The following TEKT5 variants were observed in gnomAD, a reference collection of about 807,000 sequenced individuals.
TEKT5 encodes tektin-5.
In TEKT5, 52 loss-of-function variants were observed where a neutral mutation model predicts 48.7. The ratio of observed to expected loss-of-function variants is 1.07; its 90% CI spans 0.86 to 1.35. The LOEUF is 1.35. TEKT5 is among the 40% of genes most tolerant of loss of function. TEKT5 has a pLI of 0.00. For synonymous variants in TEKT5, 318 were observed against 267.6 expected (o/e 1.19, Z -1.84); for missense variants, 831 against 641.6 (o/e 1.30, Z -3.19).
intron 5 of TEKT5, among the ~76,000 whole-genome samples, chr16:10,675,384 G>C (rs532242374): frequency 6.6e-6 from 1 of 152,114 alleles, no homozygotes; most frequent in Admixed American, 6.5e-5. Flanking sequence ...AGGACTCCAA[G>C]AGCCAACCCA....
chr16:10,637,043 G>A (rs192750914), intron 5 of TEKT5, among the ~76,000 whole-genome samples: 2 of 149,620 alleles, frequency 1.3e-5, no homozygotes, highest in Non-Finnish European at 3.0e-5. Flanking sequence ...GTGCAGTGGT[G>A]CGATTTCGGC....
At chr16:10,656,202 C>T (rs1047211486) in intron 5 of TEKT5, among the ~76,000 whole-genome samples, 3 of 152,144 alleles carry the variant, frequency 2.0e-5, no homozygotes, top group African/African-American at 7.2e-5. Flanking sequence ...TGCCAACTAC[C>T]CCCTAGAGGA....
chr16:10,674,108 C>G lies in TEKT5; in HGVS notation c.1086+1851G>C, dbSNP rs13380584. On this transcript the variant is annotated intron_variant, in intron 5 of 6. Transcript: ENST00000283025. The stretch of plus-strand genomic sequence containing the variant: ...AATCCAAACCCTTCACCAGGCCTAC[C>G]CAGACCCACCTGCCCCTTCCTCCAG... Among the ~76,000 whole-genome samples, 749 of 152,230 alleles carry G rather than the reference C, an allele frequency of 4.9e-3. 9 individuals are homozygous for G. The highest frequency in any genetic ancestry group is 0.016 in the African/African-American group (684 of 41,528).
At position 10,677,303 on chromosome 16, in the gene TEKT5, G is replaced by A. The variant is rs2541501; in HGVS notation, c.864-1122C>T. On this transcript the variant is annotated intron_variant, in intron 4 of 6. Coordinates refer to ENST00000283025, the MANE Select transcript of TEKT5 (RefSeq NM_144674.2). ...GAATACTCGGAAGGGTGTTGAGATC[G>A]TCTGGGATTAGAAAATGTATGAAGT... is the stretch of plus-strand genomic sequence containing the variant. Among the ~76,000 whole-genome samples, 292 of 113,772 alleles carry A rather than the reference G, an allele frequency of 2.6e-3. 45 individuals are homozygous for A. The highest frequency in any genetic ancestry group is 0.014 in the African/African-American group (268 of 19,584). 74.6% of individuals were successfully genotyped at this position (113,772 alleles called of 152,430 possible). A position where few individuals can be genotyped will look rare whatever the true frequency, so the allele number is the denominator to read the frequency against.
At chr16:10,653,023 T>C (rs1340325685) in intron 5 of TEKT5, among the ~76,000 whole-genome samples, 1 of 152,044 alleles carries the variant, frequency 6.6e-6, no homozygotes, top group African/African-American at 2.4e-5. Context: ...TCCCCCAAGC[T>C]CTGAGGGGCT....
intron 6 of TEKT5, among the ~76,000 whole-genome samples, chr16:10,634,721 T>C (rs935400113): frequency 2.0e-5 from 3 of 152,182 alleles, no homozygotes; most frequent in African/African-American, 7.2e-5. Context: ...CTGGTTTGCA[T>C]GCTTTGTTGA....
At chr16:10,658,034 A>G (rs1898292669) in intron 5 of TEKT5, among the ~76,000 whole-genome samples, 1 of 152,204 alleles carries the variant, frequency 6.6e-6, no homozygotes, top group African/African-American at 2.4e-5. Flanking sequence ...GAACACTTTC[A>G]TTACTCACCC....
Position 10,682,079 on chromosome 16 carries a change from G to C in TEKT5, c.777C>G (p.Ala259=), listed in dbSNP as rs747892647. The C allele has an allele frequency of 6.2e-7, 1 of 1,614,138 alleles. No individual in the cohort carries two copies. The highest frequency in any genetic ancestry group is 8.5e-7 in the Non-Finnish European group (1 of 1,180,020). Residue 259 remains alanine (A), a synonymous_variant, in exon 4 of 7, where the codon GCC becomes GCG. Transcript: ENST00000283025. Reference sequence around the variant, plus strand: ...TAAAGCACTTCTCATCGATACACTGGGCCGAGCTTTTGTCTTCGAGGTCCC... The same window carrying C: ...TAAAGCACTTCTCATCGATACACTGCGCCGAGCTTTTGTCTTCGAGGTCCC... ...LERDLEDKSS[A]QCIDEKCFNL...
intron 5 of TEKT5, among the ~76,000 whole-genome samples, chr16:10,651,291 A>G (rs906447409): frequency 6.6e-6 from 1 of 152,186 alleles, no homozygotes; most frequent in African/African-American, 2.4e-5. Flanking sequence ...TTTAAACTGC[A>G]GCCCTAACCA....
At chr16:10,637,468 GAGGAAGGGAGGGAGAA>G (rs1897932601) in intron 5 of TEKT5, among the ~76,000 whole-genome samples, 1 of 149,304 alleles carries the variant, frequency 6.7e-6, no homozygotes, top group African/African-American at 2.5e-5. Context: ...GGAGAGGGGA[GAGGAAGGGAGGGAGAA>G]AGGAAGGCAA....
At chr16:10,666,548 G>A (rs1898460186) in intron 5 of TEKT5, among the ~76,000 whole-genome samples, 1 of 152,132 alleles carries the variant, frequency 6.6e-6, no homozygotes, top group Non-Finnish European at 1.5e-5. Context: ...GTGTCCTCTG[G>A]GGGACACAAC....
intron 5 of TEKT5, among the ~76,000 whole-genome samples, chr16:10,651,092 C>G (rs546403716): frequency 6.6e-6 from 1 of 152,098 alleles, no homozygotes. Flanking sequence ...CCCAGGGGAC[C>G]GTCATCCTGA....
intron 6 of TEKT5, among the ~76,000 whole-genome samples, chr16:10,633,628 C>T (rs144122365): frequency 8.6e-4 from 131 of 152,252 alleles, no homozygotes; most frequent in South Asian, 3.1e-3. Flanking sequence ...CTGCAGCCTC[C>T]AACTCCTGGG....
At chr16:10,686,643 A>C (rs74382560) in intron 3 of TEKT5, among the ~76,000 whole-genome samples, 3,434 of 152,274 alleles carry the variant, frequency 0.023, 144 homozygotes, top group African/African-American at 0.078. Flanking sequence ...CAGCAAACGA[A>C]ACAAACAAGA....
At chr16:10,645,771 G>T (rs1898061177) in intron 5 of TEKT5, among the ~76,000 whole-genome samples, 1 of 152,090 alleles carries the variant, frequency 6.6e-6, no homozygotes, top group African/African-American at 2.4e-5. Context: ...CATTGCACTG[G>T]ACTGCAAGAC....
chr16:10,648,999 G>C (rs1368221668), intron 5 of TEKT5, among the ~76,000 whole-genome samples: 5 of 152,134 alleles, frequency 3.3e-5, no homozygotes, highest in Non-Finnish European at 7.4e-5. Flanking sequence ...GCCCAGGCTG[G>C]AGTGCAATGG....
At chr16:10,677,703 C>T (rs980942082) in intron 4 of TEKT5, among the ~76,000 whole-genome samples, 2 of 97,580 alleles carry the variant, frequency 2.0e-5, no homozygotes, top group Non-Finnish European at 3.8e-5. Context: ...TATAAAAGCC[C>T]CAGAAAAGGA....
chr16:10,657,808 G>C (rs1898288581), intron 5 of TEKT5, among the ~76,000 whole-genome samples: 1 of 148,528 alleles, frequency 6.7e-6, no homozygotes, highest in African/African-American at 2.5e-5. Context: ...TACCGTGTTA[G>C]CCAGGATGTT....
Position 10,685,967 on chromosome 16 carries a change from C to T in TEKT5, c.719+3286G>A, listed in dbSNP as rs185443618. Among the ~76,000 whole-genome samples the T allele has an allele frequency of 8.5e-5, 13 of 152,294 alleles. No homozygotes were observed. In the East Asian group the frequency reaches 1.2e-3, roughly 14 times the overall value. On this transcript the variant is annotated intron_variant, in intron 3 of 6. Coordinates refer to ENST00000283025, the MANE Select transcript of TEKT5 (RefSeq NM_144674.2). ...CAAGTCTGGGATTAGTTCACTCTGC[C>T]GGCTCAAACTATCCCACTTCCCAAA...
Sources: allele counts gnomAD v4.1 joint callset (sites outside exome capture counted in the v4.1 genomes callset), GRCh38; gene constraint gnomAD v4.1.1; transcripts MANE v1.5; gene names NCBI Gene and HGNC (gene_info 2026-07-23, HGNC 2026-07-21).